Variants in TDRD10 observed in about 807,000 individuals in gnomAD.
TDRD10 encodes the protein tudor domain-containing protein 10.
TDRD10 carries 40 observed loss-of-function variants against 48.0 expected under a neutral mutation model. The ratio of observed to expected loss-of-function variants is 0.83; its 90% confidence interval spans 0.65 to 1.09. The LOEUF (loss-of-function observed/expected upper bound fraction) is 1.09, where lower values mean the gene tolerates loss of function less well. Ranked by LOEUF, TDRD10 falls within the 50% of genes least tolerant of loss-of-function variation. TDRD10 has a pLI of 0.00. For synonymous variants in TDRD10, 162 were observed against 170.4 expected (o/e 0.95, Z 0.38); for missense variants, 378 against 434.7 (o/e 0.87, Z 1.16).
chr1:154,519,169 C>T (rs1166880011), intron 4 of TDRD10, among the ~76,000 whole-genome samples: 1 of 152,158 alleles, frequency 6.6e-6, no homozygotes, highest in African/African-American at 2.4e-5. Flanking sequence ...ACTGAAAATG[C>T]TAAGCACACA....
At chr1:154,546,388 T>A (rs1036661925) in intron 11 of TDRD10, among the ~76,000 whole-genome samples, 25 of 146,866 alleles carry the variant, frequency 1.7e-4, no homozygotes, top group Admixed American at 1.3e-3. Flanking sequence ...TATATATATA[T>A]AAAATATATG....
rs1039857894 is a variant in TDRD10 at position 154,502,325 on chromosome 1, G to A, written c.-732G>A. The A allele has an allele frequency of 5.7e-6, 1 of 176,280 alleles. No individual in the cohort carries two copies. 10.9% of individuals were successfully genotyped at this position (176,280 alleles called of 1,614,324 possible). On this transcript the variant is annotated 5_prime_UTR_variant, in exon 1 of 13. Transcript: ENST00000368482. ...CTGCGGTGGGAGAGGCCAGGCCCAC[G>A]GAAGCCCCCTGCGGCCCAGCCCACG...
rs1439596633 is a variant in TDRD10 at position 154,545,824 on chromosome 1, G to A, written c.952+875G>A. On this transcript the variant is annotated intron_variant, in intron 11 of 12. Coordinates refer to ENST00000368482, the MANE Select transcript of TDRD10 (RefSeq NM_182499.4). ...CTCGTTCTGTCACCCAGGCTGGAGT[G>A]CAGAGGCGCAATCTCGGCTCACTGC... 2.7e-5 allele frequency among the ~76,000 whole-genome samples: 4 copies of A among 147,976 alleles called. 1 individual carries two copies. The highest frequency in any genetic ancestry group is 5.9e-5 in the Non-Finnish European group (4 of 67,354).
intron 6 of TDRD10, among the ~76,000 whole-genome samples, chr1:154,536,611 C>T (rs1008580246): frequency 3.3e-5 from 5 of 152,198 alleles, no homozygotes; most frequent in African/African-American, 1.2e-4. Flanking sequence ...CCAGTGCGTG[C>T]AGCATGTAAC....
intron 4 of TDRD10, among the ~76,000 whole-genome samples, chr1:154,518,527 A>C (rs1421330372): frequency 6.6e-6 from 1 of 152,066 alleles, no homozygotes; most frequent in Non-Finnish European, 1.5e-5. Flanking sequence ...TCCCGGGTTC[A>C]CGCCATTCTC....
rs765493756 is a variant in TDRD10 at position 154,547,438 on chromosome 1, C to A, written c.982C>A (p.Arg328=). 2 of 1,614,170 alleles carry A rather than the reference C, an allele frequency of 1.2e-6. No homozygotes were observed. Among genetic ancestry groups the A allele is most frequent in the Non-Finnish European group, 8.5e-7 (1 of 1,180,028 alleles). The change falls in exon 12 of 13, where the codon CGA becomes AGA. Residue 328 remains arginine (R), a synonymous_variant. Transcript: ENST00000368482. Reference sequence around the variant, plus strand: ...TTTGAGTTCGTATGAGGTTGTCCATCGAATCCTCAAAGGGAAAATCACTGG... The same window carrying A: ...TTTGAGTTCGTATGAGGTTGTCCATAGAATCCTCAAAGGGAAAATCACTGG... ...DILSSYEVVH[R]ILKGKITGAL...
chr1:154,544,826 G>GC lies in TDRD10; in HGVS notation c.830dup (p.Val278CysfsTer6), dbSNP rs764503176. The stretch of plus-strand genomic sequence containing the variant: ...GGTGCTGGACAGGGTGGACACCTGG[G>GC]CTGTGGTCATGTTCATTGATTTTGG... On this transcript the variant is annotated frameshift_variant, in exon 11 of 13. Coordinates refer to ENST00000368482, the MANE Select transcript of TDRD10 (RefSeq NM_182499.4). LOFTEE classifies it high-confidence loss of function. 1.9e-6 allele frequency: 3 copies of GC among 1,614,146 alleles called. No homozygotes were observed. The South Asian group carries it at 3.3e-5, about 18-fold the overall frequency.
At chr1:154,534,497 C>A (rs571016435) in intron 6 of TDRD10, 4 of 152,394 alleles carry the variant, frequency 2.6e-5, no homozygotes, top group African/African-American at 9.6e-5. Flanking sequence ...ATCAAGTCAG[C>A]CACCTTTGAT....
At chr1:154,526,388 G>A (rs1037983999) in intron 6 of TDRD10, among the ~76,000 whole-genome samples, 1 of 148,578 alleles carries the variant, frequency 6.7e-6, no homozygotes, top group Middle Eastern at 3.4e-3. Flanking sequence ...AAACAAACAA[G>A]CAAACAAAAC....
chr1:154,516,570 G>A (rs541435073), intron 4 of TDRD10, among the ~76,000 whole-genome samples: 1 of 152,268 alleles, frequency 6.6e-6, no homozygotes, highest in South Asian at 2.1e-4. Context: ...TGAGGAATAG[G>A]TAGTAGGAAT....
intron 6 of TDRD10, among the ~76,000 whole-genome samples, chr1:154,525,895 C>CAAAA (rs59844127): frequency 5.7e-5 from 3 of 52,980 alleles, no homozygotes; most frequent in Non-Finnish European, 6.8e-5. Context: ...GATTCCGTCT[C>CAAAA]AAAAAAAAAA....
intron 6 of TDRD10, among the ~76,000 whole-genome samples, chr1:154,524,090 T>A (rs1173481919): frequency 6.6e-6 from 1 of 152,214 alleles, no homozygotes. Context: ...ATTCCAACAT[T>A]TGAGTCATTT....
intron 1 of TDRD10, 74 bp from the exon 2 acceptor site, chr1:154,506,803 C>A: frequency 7.6e-7 from 1 of 1,315,528 alleles, no homozygotes; most frequent in Non-Finnish European, 1.1e-6. Flanking sequence ...CTGCTTACCA[C>A]AGTACCTATT....
At chr1:154,541,147 T>G (rs1695206128) in intron 6 of TDRD10, among the ~76,000 whole-genome samples, 1 of 152,118 alleles carries the variant, frequency 6.6e-6, no homozygotes, top group Non-Finnish European at 1.5e-5. Context: ...CAGAGCCTGC[T>G]TGTTTCCTGT....
chr1:154,512,401 A>G lies in TDRD10; in HGVS notation c.141+3920A>G, dbSNP rs113297304. On this transcript the variant is annotated intron_variant, in intron 4 of 12. Coordinates refer to ENST00000368482, the MANE Select transcript of TDRD10 (RefSeq NM_182499.4). ...CTCTTGTTGCCCAGGCTGGAGTGCA[A>G]TGGCTCGATCTTGGCTCACTGCAAC... Among the ~76,000 whole-genome samples the G allele has an allele frequency of 4.7e-3, 711 of 152,050 alleles. 6 individuals are homozygous for G. Among genetic ancestry groups the G allele is most frequent in the Non-Finnish European group, 7.0e-3 (478 of 67,970 alleles).
intron 1 of TDRD10, 107 bp from the exon 2 acceptor site, chr1:154,506,770 C>G: frequency 1.1e-6 from 1 of 945,132 alleles, no homozygotes; most frequent in East Asian, 2.4e-5. Context: ...ATGTGGACCA[C>G]TTTTGGTTGG....
intron 6 of TDRD10, among the ~76,000 whole-genome samples, chr1:154,536,557 A>G (rs553997568): frequency 2.4e-4 from 36 of 152,342 alleles, no homozygotes; most frequent in African/African-American, 7.9e-4. Context: ...AGTATAATTT[A>G]CTTAAAGTGA....
rs542309202 is a variant in TDRD10 at position 154,537,435 on chromosome 1, G to A, written c.370-4589G>A. Among the ~76,000 whole-genome samples the A allele has an allele frequency of 6.4e-4, 97 of 152,376 alleles. 3 individuals are homozygous for A. Among genetic ancestry groups the A allele is most frequent in the Middle Eastern group, 3.4e-3 (1 of 294 alleles). On this transcript the variant is annotated intron_variant, in intron 6 of 12. Coordinates refer to ENST00000368482, the MANE Select transcript of TDRD10 (RefSeq NM_182499.4). ...GTGTCTAGCACATAGAAGTGCAAGTGATTAAAGAATGAGAAGGAAGCAGTT... is the reference window on the plus strand; with the variant it reads ...GTGTCTAGCACATAGAAGTGCAAGTAATTAAAGAATGAGAAGGAAGCAGTT...
chr1:154,527,381 T>G (rs1694372433), intron 6 of TDRD10, among the ~76,000 whole-genome samples: 1 of 151,548 alleles, frequency 6.6e-6, no homozygotes, highest in Non-Finnish European at 1.5e-5. Context: ...GGTAGATCTC[T>G]GGGGAAAGGA....
Sources: gnomAD v4.1 joint callset for allele counts (sites outside exome capture counted in the v4.1 genomes callset) on GRCh38, gnomAD v4.1.1 for gene constraint, MANE v1.5 for transcripts, NCBI Gene and HGNC (gene_info 2026-07-23, HGNC 2026-07-21) for gene names.